Variants in PAK1 observed in about 807,000 individuals in gnomAD.
PAK1 encodes p21 (RAC1) activated kinase 1.
PAK1 carries 29 observed loss-of-function variants against 67.4 expected under a neutral mutation model. The observed-to-expected ratio is 0.43, with a 90% CI of 0.32 to 0.59. The LOEUF (loss-of-function observed/expected upper bound fraction) is 0.59, where lower values mean the gene tolerates loss of function less well. PAK1 is among the 20% of genes least tolerant of loss of function. The pLI is 0.07. For missense variants in PAK1, 337 were observed against 670.7 expected (o/e 0.50, Z 5.50); for synonymous variants, 223 against 237.4 (o/e 0.94, Z 0.56).
At chr11:77,402,943 T>A (rs893453549) in intron 1 of PAK1, among the ~76,000 whole-genome samples, 2 of 151,998 alleles carry the variant, frequency 1.3e-5, no homozygotes, top group African/African-American at 4.8e-5. Context: ...CTGACCAAAT[T>A]CCCTCCCCCT....
chr11:77,422,575 A>G (rs1955329356), intron 1 of PAK1, among the ~76,000 whole-genome samples: 1 of 151,052 alleles, frequency 6.6e-6, no homozygotes, highest in South Asian at 2.1e-4. Context: ...AAAAGTCACT[A>G]AAATCCAATG....
chr11:77,370,114 G>C (rs899767608), intron 5 of PAK1, among the ~76,000 whole-genome samples: 2 of 152,198 alleles, frequency 1.3e-5, no homozygotes, highest in African/African-American at 4.8e-5. Context: ...GTGAGTTATA[G>C]ATAGATGGTT....
intron 4 of PAK1, 125 bp downstream of exon 4, chr11:77,379,116 T>G: frequency 1.2e-6 from 1 of 825,524 alleles, no homozygotes; most frequent in South Asian, 2.1e-5. Flanking sequence ...AAATTCCACG[T>G]TAAAGTGCCA....
At chr11:77,474,639 C>T (rs1958028519), upstream of PAK1, 1 of 152,174 alleles carries the variant, frequency 6.6e-6, no homozygotes, top group Non-Finnish European at 1.5e-5. Flanking sequence ...GTCGTGTGAT[C>T]TCACAGCCAG....
At chr11:77,396,810 C>T (rs1175197928) in intron 1 of PAK1, among the ~76,000 whole-genome samples, 1 of 152,210 alleles carries the variant, frequency 6.6e-6, no homozygotes, top group African/African-American at 2.4e-5. Flanking sequence ...TACTTTCCAG[C>T]TTCCCTGCAG....
At chr11:77,340,018 T>G (rs1404074144) in intron 11 of PAK1, among the ~76,000 whole-genome samples, 1 of 152,192 alleles carries the variant, frequency 6.6e-6, no homozygotes, top group Admixed American at 6.5e-5. Flanking sequence ...CTGGAGGGCT[T>G]TTCTTCCTCC....
intron 3 of PAK1, 155 bp from the exon 4 acceptor site, chr11:77,379,543 TATA>T (rs1256528822): frequency 4.6e-6 from 3 of 648,942 alleles, no homozygotes; most frequent in Non-Finnish European, 7.7e-6. Context: ...AAGCCTCTTT[TATA>T]ATATCTTTCT....
intron 6 of PAK1, 140 bp from the exon 7 acceptor site, chr11:77,355,982 C>G (rs966485597): frequency 3.6e-5 from 22 of 611,752 alleles, no homozygotes; most frequent in Non-Finnish European, 5.8e-5. Context: ...TATATTACTC[C>G]TCCTCTGTGC....
chr11:77,504,756 A>T, the PAK1 span, among the ~76,000 whole-genome samples: 1 of 152,222 alleles, frequency 6.6e-6, no homozygotes, highest in African/African-American at 2.4e-5. Context: ...TTGAAATAGA[A>T]GACTGTTCAG....
intron 5 of PAK1, among the ~76,000 whole-genome samples, chr11:77,368,682 A>T (rs1947952286): frequency 6.6e-6 from 1 of 152,060 alleles, no homozygotes; most frequent in South Asian, 2.1e-4. Context: ...TTTGAGATAC[A>T]GTCCCACTCT....
At chr11:77,469,215 T>C (rs1157382009) in intron 1 of PAK1, among the ~76,000 whole-genome samples, 1 of 152,190 alleles carries the variant, frequency 6.6e-6, no homozygotes, top group Non-Finnish European at 1.5e-5. Flanking sequence ...GAATTGTTGG[T>C]CTGCCACTTA....
the PAK1 span, among the ~76,000 whole-genome samples, chr11:77,496,132 C>T: frequency 6.6e-6 from 1 of 151,744 alleles, no homozygotes; most frequent in South Asian, 2.1e-4. Flanking sequence ...AATTCTTCTG[C>T]CTCAGCCTCC....
intron 1 of PAK1, among the ~76,000 whole-genome samples, chr11:77,458,263 T>C (rs1170267170): frequency 6.6e-6 from 1 of 152,244 alleles, no homozygotes; most frequent in African/African-American, 2.4e-5. Flanking sequence ...GCCCACAAAG[T>C]TAATTCTTAG....
intron 1 of PAK1, among the ~76,000 whole-genome samples, chr11:77,434,312 C>G (rs1347371696): frequency 6.6e-6 from 1 of 152,090 alleles, no homozygotes; most frequent in Non-Finnish European, 1.5e-5. Context: ...AATACAATTA[C>G]ATAGATAAAC....
At chr11:77,362,794 A>C (rs540715295) in intron 5 of PAK1, among the ~76,000 whole-genome samples, 1 of 152,242 alleles carries the variant, frequency 6.6e-6, no homozygotes, top group African/African-American at 2.4e-5. Context: ...ATAGTAGTAT[A>C]AACTGGAATG....
At chr11:77,522,469 T>C in the PAK1 span, among the ~76,000 whole-genome samples, 1 of 152,240 alleles carries the variant, frequency 6.6e-6, no homozygotes, top group Non-Finnish European at 1.5e-5. Flanking sequence ...AATTGCATCC[T>C]GTTGTGAACA....
At chr11:77,436,584 C>CAA (rs1291436241) in intron 1 of PAK1, among the ~76,000 whole-genome samples, 1 of 152,196 alleles carries the variant, frequency 6.6e-6, no homozygotes, top group Admixed American at 6.5e-5. Context: ...GTGAACAAAA[C>CAA]AGAGTCCTAC....
the PAK1 span, among the ~76,000 whole-genome samples, chr11:77,522,308 G>A: frequency 6.6e-6 from 1 of 152,186 alleles, no homozygotes; most frequent in Non-Finnish European, 1.5e-5. Context: ...ACTCACCACA[G>A]GTTAGGAATC....
intron 2 of PAK1, among the ~76,000 whole-genome samples, chr11:77,391,167 T>C (rs1951093599): frequency 6.6e-6 from 1 of 152,238 alleles, no homozygotes; most frequent in Admixed American, 6.5e-5. Context: ...ACCATTGTGC[T>C]TGTTGTATCT....
Sources: gnomAD v4.1 joint callset for allele counts (sites outside exome capture counted in the v4.1 genomes callset) on GRCh38, gnomAD v4.1.1 for gene constraint, MANE v1.5 for transcripts, NCBI Gene and HGNC (gene_info 2026-07-23, HGNC 2026-07-21) for gene names.